The following GSG1L variants were observed in gnomAD, a reference collection of about 807,000 sequenced individuals.
GSG1L encodes the protein germ cell-specific gene 1-like protein.
A neutral mutation model predicts 42.1 loss-of-function variants in GSG1L; 24 were observed. The ratio of observed to expected loss-of-function variants is 0.57; its 90% CI spans 0.41 to 0.80. GSG1L has a LOEUF of 0.80. Ranked by LOEUF, GSG1L falls within the 30% of genes least tolerant of loss-of-function variation. GSG1L has a pLI of 0.00. For synonymous variants in GSG1L, 215 were observed against 203.5 expected, an observed-to-expected ratio of 1.06 and a Z score of -0.48; for missense variants, 445 against 472.2, an observed-to-expected ratio of 0.94 and a Z score of 0.53.
At position 28,009,051 on chromosome 16, in the gene GSG1L, C is replaced by T. The variant is rs139318191; in HGVS notation, c.350-45848G>A. Among the ~76,000 whole-genome samples the T allele has an allele frequency of 3.9e-5, 6 of 152,252 alleles. No homozygotes were observed. In the Middle Eastern group the frequency reaches 0.01, roughly 259 times the overall value. On this transcript the variant is annotated intron_variant, in intron 1 of 6. Coordinates refer to ENST00000447459, the MANE Select transcript of GSG1L (RefSeq NM_001109763.2). ...CTTGAAATCCTGACCTCAAGTGATC[C>T]GCCCGCCTTGGCCTCCCGAAGTACT...
intron 3 of GSG1L, among the ~76,000 whole-genome samples, chr16:27,873,021 T>C (rs2083841973): frequency 6.6e-6 from 1 of 152,258 alleles, no homozygotes; most frequent in South Asian, 2.1e-4. Context: ...CTTTACTCTA[T>C]GGACTTGCCC....
intron 5 of GSG1L, among the ~76,000 whole-genome samples, chr16:27,826,987 C>T (rs1161082672): frequency 6.6e-6 from 1 of 152,208 alleles, no homozygotes; most frequent in African/African-American, 2.4e-5. Context: ...CTCTGATTTT[C>T]TTCATTCTAG....
intron 1 of GSG1L, among the ~76,000 whole-genome samples, chr16:27,991,841 A>C (rs1475315938): frequency 6.6e-6 from 1 of 152,158 alleles, no homozygotes; most frequent in Non-Finnish European, 1.5e-5. Flanking sequence ...TTGGAATCCT[A>C]CTGGGCCCAA....
Position 28,055,545 on chromosome 16 carries a change from C to T in GSG1L, c.349+7531G>A, listed in dbSNP as rs1486278433. ...AGAGTGCAGTGGCACGATCTCAGCTCACTGCAACCTCTGCCTTCCGGGTTC... is the reference window on the plus strand; with the variant it reads ...AGAGTGCAGTGGCACGATCTCAGCTTACTGCAACCTCTGCCTTCCGGGTTC... On this transcript the variant is annotated intron_variant, in intron 1 of 6. Coordinates refer to ENST00000447459, the MANE Select transcript of GSG1L (RefSeq NM_001109763.2). Among the ~76,000 whole-genome samples the T allele has an allele frequency of 5.3e-5, 8 of 152,094 alleles. No individual in the cohort carries two copies. The South Asian group carries it at 1.5e-3, about 28-fold the overall frequency.
In GSG1L at chr16:27,867,200, CA is replaced by C. The variant is rs1465220183; in HGVS notation, c.550+17285del. On this transcript the variant is annotated intron_variant, in intron 3 of 6. Coordinates refer to ENST00000447459, the MANE Select transcript of GSG1L (RefSeq NM_001109763.2). ...AGGAGGAGGGGCAGGAATAGACGCC[CA>C]CCCAGATCAATGCACAAGCTCAGTT... Among the ~76,000 whole-genome samples the C allele has an allele frequency of 5.3e-5, 8 of 152,300 alleles. No individual in the cohort carries two copies. The East Asian group carries it at 1.5e-3, about 29-fold the overall frequency.
intron 2 of GSG1L, among the ~76,000 whole-genome samples, chr16:27,921,133 G>T (rs1473005934): frequency 6.6e-6 from 1 of 152,124 alleles, no homozygotes; most frequent in Non-Finnish European, 1.5e-5. Context: ...CCCCACTCAG[G>T]CCTGATGGTC....
chr16:27,829,548 C>T (rs1053487236), intron 4 of GSG1L, among the ~76,000 whole-genome samples: 1 of 152,206 alleles, frequency 6.6e-6, no homozygotes, highest in African/African-American at 2.4e-5. Context: ...TCACATTCCT[C>T]ATGACTATTT....
chr16:27,935,021 A>G (rs1196319879), intron 2 of GSG1L, among the ~76,000 whole-genome samples: 2 of 152,258 alleles, frequency 1.3e-5, no homozygotes, highest in Non-Finnish European at 2.9e-5. Context: ...GTGAACGCAT[A>G]AAACGAGATC....
intron 4 of GSG1L, among the ~76,000 whole-genome samples, chr16:27,844,194 A>T (rs139058999): frequency 5.9e-5 from 9 of 152,300 alleles, no homozygotes; most frequent in Admixed American, 4.6e-4. Flanking sequence ...AGAGCACCCT[A>T]GCTGATCCAC....
chr16:27,796,470 C>T (rs1271308971), intron 6 of GSG1L, among the ~76,000 whole-genome samples: 2 of 152,218 alleles, frequency 1.3e-5, no homozygotes, highest in East Asian at 3.8e-4. Context: ...CCTCATCTTG[C>T]CTTTGAGGCA....
At chr16:27,980,909 A>AAC (rs1555512201) in intron 1 of GSG1L, among the ~76,000 whole-genome samples, 13 of 151,544 alleles carry the variant, frequency 8.6e-5, no homozygotes, top group Non-Finnish European at 1.5e-4. Flanking sequence ...AACAAAAAAA[A>AAC]AAAAAAAAGA....
intron 1 of GSG1L, among the ~76,000 whole-genome samples, chr16:28,054,457 C>T (rs1401244839): frequency 6.6e-6 from 1 of 151,942 alleles, no homozygotes; most frequent in Non-Finnish European, 1.5e-5. Context: ...GGTGAAACTC[C>T]GTCTCTACTA....
chr16:27,979,773 A>AGAAG (rs1352136854), intron 1 of GSG1L, among the ~76,000 whole-genome samples: 14 of 140,306 alleles, frequency 1.0e-4, no homozygotes, highest in Admixed American at 4.3e-4. Flanking sequence ...AAAGAAGGAA[A>AGAAG]GAAAGAAAGA....
At chr16:27,806,839 A>G (rs1004099) in intron 6 of GSG1L, among the ~76,000 whole-genome samples, 20,758 of 152,248 alleles carry the variant, frequency 0.14, 1,868 homozygotes, top group Non-Finnish European at 0.21. Context: ...AGTCTAGGCA[A>G]CAATCCCAGC....
intron 2 of GSG1L, among the ~76,000 whole-genome samples, chr16:27,888,476 CTCTTTCCTTTCTT>C (rs2084068270): frequency 1.7e-5 from 1 of 60,008 alleles, no homozygotes. Context: ...CTCTCTCTCT[CTCTTTCCTTTCTT>C]TCTTTCTTTC....
intron 3 of GSG1L, among the ~76,000 whole-genome samples, chr16:27,868,077 C>A (rs2083754858): frequency 6.6e-6 from 1 of 152,158 alleles, no homozygotes; most frequent in Non-Finnish European, 1.5e-5. Flanking sequence ...CCCTAAAGCC[C>A]AATTTCTACT....
At chr16:27,886,896 G>A (rs1454931076) in intron 2 of GSG1L, among the ~76,000 whole-genome samples, 1 of 152,032 alleles carries the variant, frequency 6.6e-6, no homozygotes, top group Non-Finnish European at 1.5e-5. Context: ...CAGGACTTTT[G>A]CAGGAACTAC....
chr16:27,949,542 C>T (rs934049904), intron 2 of GSG1L, among the ~76,000 whole-genome samples: 4 of 152,078 alleles, frequency 2.6e-5, no homozygotes, highest in Admixed American at 6.6e-5. Flanking sequence ...ATTGCTTGGG[C>T]CCAGAAGTTC....
chr16:28,013,229 A>AG (rs1274063833), intron 1 of GSG1L, among the ~76,000 whole-genome samples: 1 of 151,754 alleles, frequency 6.6e-6, no homozygotes, highest in Non-Finnish European at 1.5e-5. Flanking sequence ...CAAAAAAAAA[A>AG]AAAACTTACA....
Sources: allele counts gnomAD v4.1 joint callset (sites outside exome capture counted in the v4.1 genomes callset), GRCh38; gene constraint gnomAD v4.1.1; transcripts MANE v1.5; gene names NCBI Gene and HGNC (gene_info 2026-07-23, HGNC 2026-07-21).